The following INPP4B variants were observed in gnomAD, a reference collection of about 807,000 sequenced individuals.
INPP4B encodes the protein inositol polyphosphate 4-phosphatase type II.
A neutral mutation model predicts 122.5 loss-of-function variants in INPP4B; 55 were observed. That is an observed-to-expected ratio of 0.45 (90% CI 0.36 to 0.56). The LOEUF (loss-of-function observed/expected upper bound fraction) is 0.56. INPP4B is among the 20% of genes least tolerant of loss of function. INPP4B has a pLI of 0.00. For missense variants in INPP4B, 1,000 were observed against 1,097.7 expected (o/e 0.91, Z 1.26); for synonymous variants, 403 against 388.7 (o/e 1.04, Z -0.43).
At chr4:142,064,318 A>AG (rs1043672373) in intron 25 of INPP4B, among the ~76,000 whole-genome samples, 3 of 152,202 alleles carry the variant, frequency 2.0e-5, no homozygotes, top group African/African-American at 7.2e-5. Context: ...CAAACCACAG[A>AG]GGAAAAAAAG....
intron 2 of INPP4B, among the ~76,000 whole-genome samples, chr4:142,722,374 T>C (rs1224838066): frequency 6.6e-6 from 1 of 152,196 alleles, no homozygotes; most frequent in Non-Finnish European, 1.5e-5. Flanking sequence ...ATGTTTGGAA[T>C]ATGTGGTGTT....
intron 1 of INPP4B, among the ~76,000 whole-genome samples, chr4:142,766,503 T>C (rs1772161088): frequency 6.6e-6 from 1 of 151,962 alleles, no homozygotes. Flanking sequence ...CCCGAGTAGC[T>C]GGGATTACAG....
chr4:142,222,528 G>A (rs1049701357), intron 12 of INPP4B, among the ~76,000 whole-genome samples: 1 of 152,228 alleles, frequency 6.6e-6, no homozygotes, highest in Non-Finnish European at 1.5e-5. Context: ...ATGTTGCCCT[G>A]TGCTAACAAT....
chr4:142,222,735 T>C (rs1470117937), intron 12 of INPP4B, among the ~76,000 whole-genome samples: 2 of 152,208 alleles, frequency 1.3e-5, no homozygotes, highest in Admixed American at 1.3e-4. Flanking sequence ...TCTGGACAGA[T>C]GGCATGCCCT....
At chr4:142,614,923 A>G (rs1743371558) in intron 2 of INPP4B, among the ~76,000 whole-genome samples, 1 of 152,170 alleles carries the variant, frequency 6.6e-6, no homozygotes, top group South Asian at 2.1e-4. Context: ...AGAAAAAGGA[A>G]TGCTTATAGA....
intron 8 of INPP4B, among the ~76,000 whole-genome samples, chr4:142,306,957 A>G (rs1180285551): frequency 1.3e-5 from 2 of 152,232 alleles, no homozygotes; most frequent in Non-Finnish European, 2.9e-5. Context: ...ATTGCTAATG[A>G]TAAACCCAAT....
At chr4:142,221,464 C>A (rs1238573886) in intron 12 of INPP4B, among the ~76,000 whole-genome samples, 2 of 148,984 alleles carry the variant, frequency 1.3e-5, no homozygotes, top group Non-Finnish European at 3.0e-5. Context: ...CAGAGAACAT[C>A]TATCTTGACA....
chr4:142,108,988 C>T (rs1304698240), intron 22 of INPP4B, among the ~76,000 whole-genome samples: 1 of 152,128 alleles, frequency 6.6e-6, no homozygotes, highest in African/African-American at 2.4e-5. Context: ...TAACCCAAAA[C>T]TAAAACTGCT....
intron 2 of INPP4B, among the ~76,000 whole-genome samples, chr4:142,479,948 A>C: frequency 6.6e-6 from 1 of 152,260 alleles, no homozygotes; most frequent in Admixed American, 6.5e-5. Context: ...GTACCCCTGA[A>C]CCTAAAATAA....
At chr4:142,120,354 C>G (rs555585414) in intron 21 of INPP4B, among the ~76,000 whole-genome samples, 1 of 152,068 alleles carries the variant, frequency 6.6e-6, no homozygotes, top group Non-Finnish European at 1.5e-5. Flanking sequence ...GTTAGGCTTG[C>G]CAATTTCTGC....
At chr4:142,832,076 T>G (rs1295359809) in intron 1 of INPP4B, among the ~76,000 whole-genome samples, 2 of 152,174 alleles carry the variant, frequency 1.3e-5, no homozygotes, top group African/African-American at 4.8e-5. Context: ...TTTTTCTACA[T>G]TTAGCTGCCA....
At chr4:142,314,630 A>G in intron 8 of INPP4B, 82 bp downstream of exon 8, 2 of 1,286,292 alleles carry the variant, frequency 1.6e-6, no homozygotes, top group South Asian at 1.4e-5. Flanking sequence ...TTTGTCAGTT[A>G]CCAAGCAGGA....
chr4:142,035,472 C>A (rs1172625012), intron 25 of INPP4B, among the ~76,000 whole-genome samples: 1 of 152,100 alleles, frequency 6.6e-6, no homozygotes, highest in African/African-American at 2.4e-5. Context: ...TCACCTAGAA[C>A]CTTTTTAACT....
At chr4:142,447,908 G>A (rs1026599609) in intron 3 of INPP4B, among the ~76,000 whole-genome samples, 3 of 151,976 alleles carry the variant, frequency 2.0e-5, no homozygotes, top group African/African-American at 7.2e-5. Context: ...TTAAGACAAA[G>A]AAACAAAGAA....
chr4:142,492,617 T>C (rs1047438353), intron 2 of INPP4B, among the ~76,000 whole-genome samples: 8 of 152,188 alleles, frequency 5.3e-5, no homozygotes, highest in African/African-American at 1.9e-4. Flanking sequence ...GCAAAGAGAC[T>C]GGTGGCATTT....
At chr4:142,297,506 G>A (rs1410383544) in intron 9 of INPP4B, among the ~76,000 whole-genome samples, 1 of 152,146 alleles carries the variant, frequency 6.6e-6, no homozygotes, top group Non-Finnish European at 1.5e-5. Flanking sequence ...GCAAGATCTG[G>A]TTGATTCAAA....
chr4:142,767,108 C>A (rs1561045935), intron 1 of INPP4B, among the ~76,000 whole-genome samples: 1 of 152,170 alleles, frequency 6.6e-6, no homozygotes, highest in Non-Finnish European at 1.5e-5. Context: ...TTTCACACTG[C>A]CTCTATTCAA....
At chr4:142,812,952 C>T (rs1311018713) in intron 1 of INPP4B, among the ~76,000 whole-genome samples, 2 of 152,162 alleles carry the variant, frequency 1.3e-5, no homozygotes, top group South Asian at 2.1e-4. Flanking sequence ...TTGCTATGAT[C>T]AACATTGAAT....
At chr4:142,337,035 T>C (rs1776860974) in intron 7 of INPP4B, among the ~76,000 whole-genome samples, 1 of 152,162 alleles carries the variant, frequency 6.6e-6, no homozygotes, top group Non-Finnish European at 1.5e-5. Flanking sequence ...GTGGGTTTTC[T>C]TTTTCTCTAC....
Sources: gnomAD v4.1 joint callset for allele counts (sites outside exome capture counted in the v4.1 genomes callset) on GRCh38, gnomAD v4.1.1 for gene constraint, MANE v1.5 for transcripts, NCBI Gene and HGNC (gene_info 2026-07-23, HGNC 2026-07-21) for gene names.